Variants in SLC28A1 observed in about 807,000 individuals in gnomAD.
The protein encoded by SLC28A1 is sodium/nucleoside cotransporter 1.
SLC28A1 carries 64 observed loss-of-function variants against 74.8 expected under a neutral mutation model. The ratio of observed to expected loss-of-function variants is 0.86; its 90% CI spans 0.70 to 1.05. SLC28A1 has a LOEUF of 1.05. Among genes scored for constraint, SLC28A1 ranks in the 50% least tolerant of loss-of-function variants. The pLI is 0.00. For missense variants in SLC28A1, 828 were observed against 822.8 expected (o/e 1.01, Z -0.08); for synonymous variants, 359 against 335.0 (o/e 1.07, Z -0.78).
chr15:84,968,179 G>A, the SLC28A1 span, among the ~76,000 whole-genome samples: 1 of 152,186 alleles, frequency 6.6e-6, no homozygotes, highest in Non-Finnish European at 1.5e-5. Flanking sequence ...GAGAGGACTT[G>A]TTGTTTCCCA....
chr15:84,912,832 A>G (rs1427629570), intron 9 of SLC28A1, among the ~76,000 whole-genome samples: 3 of 151,712 alleles, frequency 2.0e-5, no homozygotes, highest in South Asian at 2.1e-4. Flanking sequence ...ACACACACAC[A>G]CACACACACA....
downstream of SLC28A1, among the ~76,000 whole-genome samples, chr15:84,947,818 T>C (rs2142082220): frequency 6.6e-6 from 1 of 152,282 alleles, no homozygotes; most frequent in Admixed American, 6.5e-5. Context: ...GGGGCTAGGA[T>C]TTCAGCATAT....
chr15:84,922,573 C>T (rs1429677858), intron 11 of SLC28A1, among the ~76,000 whole-genome samples: 1 of 152,176 alleles, frequency 6.6e-6, no homozygotes, highest in Non-Finnish European at 1.5e-5. Flanking sequence ...TCTCCTCCTA[C>T]CTCTTCTTCC....
chr15:84,931,366 T>C (rs1234385328), intron 12 of SLC28A1, among the ~76,000 whole-genome samples: 2 of 151,972 alleles, frequency 1.3e-5, no homozygotes, highest in Non-Finnish European at 2.9e-5. Flanking sequence ...GTTGTGGACA[T>C]TTTGAGAGAT....
intron 6 of SLC28A1, among the ~76,000 whole-genome samples, chr15:84,899,525 C>T (rs1596236511): frequency 1.3e-5 from 2 of 152,148 alleles, no homozygotes; most frequent in Middle Eastern, 3.4e-3. Context: ...AGAAAAAAGA[C>T]GTGCAGAGGA....
At chr15:84,943,766 TAAAAATAC>T (rs1567192363) in intron 16 of SLC28A1, among the ~76,000 whole-genome samples, 1 of 151,924 alleles carries the variant, frequency 6.6e-6, no homozygotes, top group Non-Finnish European at 1.5e-5. Context: ...CTATCTCTAC[TAAAAATAC>T]AAAAATTAGC....
chr15:84,912,067 T>C (rs1299386259), intron 9 of SLC28A1, among the ~76,000 whole-genome samples: 1 of 152,156 alleles, frequency 6.6e-6, no homozygotes, highest in Non-Finnish European at 1.5e-5. Flanking sequence ...GACCGTGTAT[T>C]GGCTGATGCA....
intron 3 of SLC28A1, 81 bp downstream of exon 3, chr15:84,887,937 G>C: frequency 1.0e-6 from 1 of 977,942 alleles, no homozygotes; most frequent in South Asian, 1.3e-5. Context: ...TGAGGCTTTT[G>C]CTCACCACCT....
the SLC28A1 span, among the ~76,000 whole-genome samples, chr15:84,973,491 T>TATCCCACTCATGAGTTGAAG: frequency 6.6e-6 from 1 of 152,150 alleles, no homozygotes. Flanking sequence ...ACATGCTAAA[T>TATCCCACTCATGAGTTGAAG]ATCCCACTCA....
At position 84,935,347 on chromosome 15, in the gene SLC28A1, T is replaced by A; in HGVS notation, c.1410T>A (p.Pro470=). Residue 470 remains proline, a synonymous_variant, in exon 15 of 19, where the codon CCT becomes CCA. Coordinates refer to ENST00000394573, the MANE Select transcript of SLC28A1 (RefSeq NM_004213.5). ...TCATCTGCTCCTACATCCTGCGGCCTGTAGCCTTCTTGATGGGTGTGGCGT... is the reference window on the plus strand; with the variant it reads ...TCATCTGCTCCTACATCCTGCGGCCAGTAGCCTTCTTGATGGGTGTGGCGT... ...FQLICSYILR[P]VAFLMGVAWE... 1 of 1,614,224 alleles carries A rather than the reference T, an allele frequency of 6.2e-7. No individual in the cohort carries two copies. Among genetic ancestry groups the A allele is most frequent in the Non-Finnish European group, 8.5e-7 (1 of 1,180,036 alleles).
the SLC28A1 span, among the ~76,000 whole-genome samples, chr15:84,973,237 A>G: frequency 6.6e-6 from 1 of 151,906 alleles, no homozygotes; most frequent in Non-Finnish European, 1.5e-5. Flanking sequence ...TCTTTCCCCT[A>G]TTTTTTAATC....
chr15:84,928,205 G>A (rs1240870431), intron 12 of SLC28A1, among the ~76,000 whole-genome samples: 2 of 152,182 alleles, frequency 1.3e-5, no homozygotes, highest in Non-Finnish European at 1.5e-5. Context: ...AGGCAGCCAG[G>A]ATCATCCCTA....
In SLC28A1 at chr15:84,918,574, C is replaced by T. The variant is rs369148182; in HGVS notation, c.846C>T (p.His282=). ...FFSCVISVLY[H]VGLMQWVILK... ...GCTGTGTCATATCCGTTCTCTACCA[C>T]GTGGGCCTCATGCAGTGGGTGATCC... is the stretch of plus-strand genomic sequence containing the variant. The change falls in exon 10 of 19, where the codon CAC becomes CAT. Residue 282 remains histidine, a synonymous_variant. Transcript: ENST00000394573. The T allele has an allele frequency of 7.1e-5, 115 of 1,613,792 alleles. No homozygotes were observed. The highest frequency in any genetic ancestry group is 1.8e-4 in the Admixed American group (11 of 59,986).
At chr15:84,916,240 C>CAGGTGTGAGCCACCATGGCTGGCCTTT (rs1555449976) in intron 9 of SLC28A1, among the ~76,000 whole-genome samples, 1 of 98,424 alleles carries the variant, frequency 1.0e-5, no homozygotes, top group Admixed American at 9.8e-5. Flanking sequence ...GCTGGGATTA[C>CAGGTGTGAGCCACCATGGCTGGCCTTT]TTTTTTTTTT....
intron 12 of SLC28A1, among the ~76,000 whole-genome samples, chr15:84,928,433 C>T (rs924337718): frequency 5.9e-5 from 9 of 151,784 alleles, no homozygotes; most frequent in Non-Finnish European, 1.0e-4. Context: ...ACTTCCTTCC[C>T]CAGTCAGTTC....
At chr15:84,902,938 C>T (rs538708457) in intron 6 of SLC28A1, among the ~76,000 whole-genome samples, 134 of 152,248 alleles carry the variant, frequency 8.8e-4, no homozygotes, top group African/African-American at 3.0e-3. Flanking sequence ...CCATGGTGGC[C>T]AGGCTGGTCT....
the SLC28A1 span, among the ~76,000 whole-genome samples, chr15:84,957,700 A>G: frequency 6.6e-6 from 1 of 152,168 alleles, no homozygotes; most frequent in Non-Finnish European, 1.5e-5. Flanking sequence ...CCACTACCAC[A>G]CTATTTTGAT....
intron 11 of SLC28A1, among the ~76,000 whole-genome samples, chr15:84,922,518 A>ACC (rs35978203): frequency 6.7e-6 from 1 of 149,504 alleles, no homozygotes; most frequent in Non-Finnish European, 1.5e-5. Context: ...CCCATCTACA[A>ACC]CCCCCCGCTG....
In SLC28A1 at chr15:84,915,149, T is replaced by C. The variant is rs575387884; in HGVS notation, c.796-3375T>C. Reference sequence around the variant, plus strand: ...CCAGGAGTGTGGGATGATGTCATCCTACCCGTGCTGGAGGTGTTTCTAGCC... The same window carrying C: ...CCAGGAGTGTGGGATGATGTCATCCCACCCGTGCTGGAGGTGTTTCTAGCC... On this transcript the variant is annotated intron_variant, in intron 9 of 18. Transcript: ENST00000394573. Among the ~76,000 whole-genome samples, 21 of 152,302 alleles carry C rather than the reference T, an allele frequency of 1.4e-4. No homozygotes were observed. In the South Asian group the frequency reaches 4.4e-3, roughly 32 times the overall value.
Sources: gnomAD v4.1 joint callset for allele counts (sites outside exome capture counted in the v4.1 genomes callset) on GRCh38, gnomAD v4.1.1 for gene constraint, MANE v1.5 for transcripts, NCBI Gene and HGNC (gene_info 2026-07-23, HGNC 2026-07-21) for gene names.